The following ZNF207 variants were observed in gnomAD, a reference collection of about 807,000 sequenced individuals.
ZNF207 encodes zinc finger protein 207.
A neutral mutation model predicts 60.2 loss-of-function variants in ZNF207; 24 were observed. That is an observed-to-expected ratio of 0.40 (90% CI 0.29 to 0.56). The LOEUF (loss-of-function observed/expected upper bound fraction) is 0.56. ZNF207 is among the 20% of genes least tolerant of loss of function. The pLI is 0.49. For missense variants in ZNF207, 452 were observed against 636.6 expected (o/e 0.71, Z 3.12); for synonymous variants, 236 against 194.7 (o/e 1.21, Z -1.77).
chr17:32,361,417 T>C, intron 5 of ZNF207, 51 bp from the exon 6 acceptor site: 1 of 1,537,322 alleles, frequency 6.5e-7, no homozygotes, highest in Non-Finnish European at 8.9e-7. Flanking sequence ...ACTTTCCCAC[T>C]GTATTTTGAA....
rs996669905 is a variant in ZNF207, at chr17:32,376,447, C to T, written c.*6688C>T. On this transcript the variant is annotated 3_prime_UTR_variant, in exon 12 of 12. Coordinates refer to ENST00000394670, the MANE Select transcript of ZNF207 (RefSeq NM_001098507.2). The stretch of plus-strand genomic sequence containing the variant: ...CTTGAAAAGCTTTTCATTTTCTTAA[C>T]TCTGGAAAATAATAGTTTGGAACTA... 2 of 151,914 alleles carry T rather than the reference C, an allele frequency of 1.3e-5. No homozygotes were observed. The highest frequency in any genetic ancestry group is 4.8e-5 in the African/African-American group (2 of 41,416). The allele number at this position is 151,914 out of a possible 1,614,324, so 9.4% of individuals were successfully genotyped here.
chr17:32,369,802 TC>T lies in ZNF207; in HGVS notation c.*44del, dbSNP rs1905384325. The T allele has an allele frequency of 7.1e-7, 1 of 1,407,018 alleles. No individual in the cohort carries two copies. Among genetic ancestry groups the T allele is most frequent in the African/African-American group, 1.4e-5 (1 of 69,110 alleles). The allele number at this position is 1,407,018 out of a possible 1,614,324, so 87.2% of individuals were successfully genotyped here. On this transcript the variant is annotated 3_prime_UTR_variant, in exon 12 of 12. Coordinates refer to ENST00000394670, the MANE Select transcript of ZNF207 (RefSeq NM_001098507.2). ...TAATAGGTTTGGAGATTAAACCTTT[TC>T]TCAACTTGTGCTGTTTATATAGCCA...
Position 32,374,711 on chromosome 17 carries a change from T to C in ZNF207, c.*4952T>C, listed in dbSNP as rs141829013. 12 of 152,322 alleles carry C rather than the reference T, an allele frequency of 7.9e-5. No homozygotes were observed. The highest frequency in any genetic ancestry group is 5.8e-4 in the East Asian group (3 of 5,190). The allele number at this position is 152,322 out of a possible 1,614,324, so 9.4% of individuals were successfully genotyped here. A position where few individuals can be genotyped will look rare whatever the true frequency, so the allele number is the denominator to read the frequency against. ...GGGGGTATAGACCATATAGTTGATA[T>C]AACAACAGAATTTGGGTGTTACAGA... On this transcript the variant is annotated 3_prime_UTR_variant, in exon 12 of 12. Transcript: ENST00000394670.
chr17:32,366,676 T>C lies in ZNF207; in HGVS notation c.840T>C (p.Pro280=). 6.2e-7 allele frequency: 1 copy of C among 1,608,170 alleles called. No homozygotes were observed. The highest frequency in any genetic ancestry group is 1.1e-5 in the South Asian group (1 of 90,020). Residue 280 remains proline, a synonymous_variant, in exon 9 of 12, where the codon CCT becomes CCC. Transcript: ENST00000394670. ...LFPSAGQMGT[P]VTSSSTASSN... ...CTTTTATGCTACAGATGGGGACACCTGTCACAAGCTCAAGTACAGCTTCAT... is the reference window on the plus strand; with the variant it reads ...CTTTTATGCTACAGATGGGGACACCCGTCACAAGCTCAAGTACAGCTTCAT...
chr17:32,359,037 TG>T (rs1329139709), intron 3 of ZNF207, among the ~76,000 whole-genome samples: 1 of 149,754 alleles, frequency 6.7e-6, no homozygotes, highest in Non-Finnish European at 1.5e-5. Context: ...AGACCCTAAG[TG>T]GTGATTTGCC....
intron 2 of ZNF207, among the ~76,000 whole-genome samples, chr17:32,355,461 A>G (rs538091713): frequency 1.1e-4 from 16 of 152,336 alleles, no homozygotes; most frequent in South Asian, 8.3e-4. Context: ...AATGAGAATA[A>G]GGGAGTCCTG....
chr17:32,369,424 C>G lies in ZNF207; in HGVS notation c.1294C>G (p.Gln432Glu). Residue 432 changes from glutamine (Q) to glutamate (E), a missense_variant, in exon 11 of 12, where the codon CAA (glutamine) becomes GAA (glutamate). By Grantham distance (29) the Gln-to-Glu change is conservative. Transcript: ENST00000394670. ...MPPQPGIPQQ[Q>E]GMRPPMPPHG... is the part of the protein sequence containing the mutation. ...ACCACAGCCAGGCATCCCACAGCAA[C>G]AAGGAATGAGACCCCCAATGCCACC... 1 of 1,614,180 alleles carries G rather than the reference C, an allele frequency of 6.2e-7. No individual in the cohort carries two copies. Among genetic ancestry groups the G allele is most frequent in the Non-Finnish European group, 8.5e-7 (1 of 1,180,038 alleles).
At chr17:32,358,443 TG>T in intron 2 of ZNF207, 59 bp from the exon 3 acceptor site, 1 of 1,482,712 alleles carries the variant, frequency 6.7e-7, no homozygotes, top group Non-Finnish European at 9.0e-7. Flanking sequence ...AAGCAGTCTT[TG>T]ATTAACTTGG....
chr17:32,369,165 T>C lies in ZNF207; in HGVS notation c.1165-130T>C, dbSNP rs531465875. On this transcript the variant is annotated intron_variant, in intron 10 of 11. Coordinates refer to ENST00000394670, the MANE Select transcript of ZNF207 (RefSeq NM_001098507.2). ...GTTGGATTGGTTTGTCTGGCAAAAG[T>C]AAATAGTTGGGATGTAAGGGTAAAT... The C allele has an allele frequency of 1.1e-5, 11 of 971,598 alleles. No individual in the cohort carries two copies. The East Asian group carries it at 2.8e-4, about 24-fold the overall frequency. 60.2% of individuals were successfully genotyped at this position (971,598 alleles called of 1,614,324 possible). A position where few individuals can be genotyped will look rare whatever the true frequency, so the allele number is the denominator to read the frequency against.
intron 3 of ZNF207, among the ~76,000 whole-genome samples, chr17:32,359,883 A>G (rs758823115): frequency 2.0e-5 from 3 of 152,250 alleles, no homozygotes; most frequent in East Asian, 3.9e-4. Flanking sequence ...GTGAGATCCT[A>G]TTTAGATAAA....
In ZNF207 at chr17:32,369,768, C is replaced by T. The variant is rs200745988; in HGVS notation, c.*9C>T. ...AAGGTGGCCGTTACTGATCTTACTT[C>T]ATCCAGTCTAATAGGTTTGGAGATT... On this transcript the variant is annotated 3_prime_UTR_variant, in exon 12 of 12. Coordinates refer to ENST00000394670, the MANE Select transcript of ZNF207 (RefSeq NM_001098507.2). The T allele has an allele frequency of 1.3e-6, 2 of 1,513,252 alleles. No homozygotes were observed. The highest frequency in any genetic ancestry group is 1.8e-6 in the Non-Finnish European group (2 of 1,131,722). 93.7% of individuals were successfully genotyped at this position (1,513,252 alleles called of 1,614,324 possible). A position where few individuals can be genotyped will look rare whatever the true frequency, so the allele number is the denominator to read the frequency against.
rs1904842956 is a variant in ZNF207 at position 32,360,893 on chromosome 17, C to T, written c.477C>T (p.Gly159=). 1.9e-6 allele frequency: 3 copies of T among 1,614,004 alleles called. No homozygotes were observed. The highest frequency in any genetic ancestry group is 1.3e-5 in the African/African-American group (1 of 74,918). ...PVPGAPGMPP[G]IPPLMPGVPP... is the part of the protein sequence containing the mutation. Reference sequence around the variant, plus strand: ...TTTGATTGAAATTCTTGCTTGTAGGCATACCTCCATTAATGCCAGGTGTTC... The same window carrying T: ...TTTGATTGAAATTCTTGCTTGTAGGTATACCTCCATTAATGCCAGGTGTTC... The change falls in exon 5 of 12, where the codon GGC becomes GGT. Residue 159 remains glycine, a splice_region_variant and synonymous_variant. Coordinates refer to ENST00000394670, the MANE Select transcript of ZNF207 (RefSeq NM_001098507.2).
chr17:32,369,360 C>G lies in ZNF207; in HGVS notation c.1230C>G (p.Ile410Met). Reference protein sequence around the residue: ...RNLPRPGQAPIGNPPVGPIGG... With the variant: ...RNLPRPGQAPMGNPPVGPIGG... ...TTCCTCGGCCAGGACAGGCCCCCAT[C>G]GGTAATCCACCAGTTGGACCAATTG... is the stretch of plus-strand genomic sequence containing the variant. Residue 410 changes from isoleucine to methionine, a missense_variant, in exon 11 of 12, where the codon ATC (isoleucine) becomes ATG (methionine). Transcript: ENST00000394670. The G allele has an allele frequency of 1.2e-6, 2 of 1,614,076 alleles. No homozygotes were observed. Among genetic ancestry groups the G allele is most frequent in the Non-Finnish European group, 1.7e-6 (2 of 1,180,028 alleles).
At chr17:32,350,735 C>T (rs2041487688) in intron 1 of ZNF207, among the ~76,000 whole-genome samples, 1 of 152,088 alleles carries the variant, frequency 6.6e-6, no homozygotes, top group African/African-American at 2.4e-5. Context: ...CACAGTCTGT[C>T]ACCCACTTTT....
At chr17:32,361,155 ATT>A in intron 5 of ZNF207, 188 bp downstream of exon 5, 1 of 679,134 alleles carries the variant, frequency 1.5e-6, no homozygotes, top group South Asian at 2.1e-5. Flanking sequence ...TGAGTAATAG[ATT>A]TTTGGGTTTT....
At position 32,369,894 on chromosome 17, in the gene ZNF207, T is replaced by C. The variant is rs1215875350; in HGVS notation, c.*135T>C. The C allele has an allele frequency of 9.8e-7, 1 of 1,021,362 alleles. No individual in the cohort carries two copies. Among genetic ancestry groups the C allele is most frequent in the Non-Finnish European group, 1.3e-6 (1 of 781,074 alleles). 63.3% of individuals were successfully genotyped at this position (1,021,362 alleles called of 1,614,324 possible). On this transcript the variant is annotated 3_prime_UTR_variant, in exon 12 of 12. Transcript: ENST00000394670. ...TTATCTTCCCACATACCAGGAACTATTGGACATTTATTTTACATGGGAAAA... is the reference window on the plus strand; with the variant it reads ...TTATCTTCCCACATACCAGGAACTACTGGACATTTATTTTACATGGGAAAA...
rs1027118209 is a variant in ZNF207 at position 32,372,755 on chromosome 17, G to A, written c.*2996G>A. ...CCATAGTGTGGTTGAATTATGAGTG[G>A]AGCAAATTATATTCATATAATTAAC... On this transcript the variant is annotated 3_prime_UTR_variant, in exon 12 of 12. Transcript: ENST00000394670. 9.9e-5 allele frequency: 15 copies of A among 152,062 alleles called. No individual in the cohort carries two copies. Among genetic ancestry groups the A allele is most frequent in the African/African-American group, 3.4e-4 (14 of 41,408 alleles). 9.4% of individuals were successfully genotyped at this position (152,062 alleles called of 1,614,324 possible). A position where few individuals can be genotyped will look rare whatever the true frequency, so the allele number is the denominator to read the frequency against.
At position 32,369,353 on chromosome 17, in the gene ZNF207, C is replaced by T. The variant is rs769232638; in HGVS notation, c.1223C>T (p.Ala408Val). The change falls in exon 11 of 12, where the codon GCC becomes GTC. Residue 408 changes from alanine to valine, a missense_variant. Ala to Val is a moderately conservative substitution (Grantham distance 64). This residue lies in a region of ZNF207 where 390 missense variants were observed against 461.4 expected (regional missense o/e 0.85). Coordinates refer to ENST00000394670, the MANE Select transcript of ZNF207 (RefSeq NM_001098507.2). Reference protein sequence around the residue: ...YQRNLPRPGQAPIGNPPVGPI... With the variant: ...YQRNLPRPGQVPIGNPPVGPI... ...CGTAATCTTCCTCGGCCAGGACAGG[C>T]CCCCATCGGTAATCCACCAGTTGGA... The T allele has an allele frequency of 3.7e-6, 6 of 1,613,990 alleles. No homozygotes were observed. The highest frequency in any genetic ancestry group is 5.1e-6 in the Non-Finnish European group (6 of 1,180,040).
At chr17:32,351,740 C>T (rs867931111) in intron 1 of ZNF207, 46 bp from the exon 2 acceptor site, 25 of 1,609,260 alleles carry the variant, frequency 1.6e-5, no homozygotes, top group Non-Finnish European at 2.1e-5. Flanking sequence ...TTATTATAGG[C>T]AGTGTCATCA....
Sources: allele counts gnomAD v4.1 joint callset (sites outside exome capture counted in the v4.1 genomes callset), GRCh38; gene constraint gnomAD v4.1.1; regional missense constraint gnomAD v4.1.1; transcripts MANE v1.5; gene names NCBI Gene and HGNC (gene_info 2026-07-23, HGNC 2026-07-21).